The following PTGFRN variants were observed in gnomAD, a reference collection of about 807,000 sequenced individuals.
The protein encoded by PTGFRN is prostaglandin F2 receptor negative regulator.
Under a neutral mutation model 83.2 loss-of-function variants are expected in PTGFRN, and 35 were observed. That is an observed-to-expected ratio of 0.42 (90% CI 0.32 to 0.56). The LOEUF is 0.56. Among genes scored for constraint, PTGFRN ranks in the 20% least tolerant of loss-of-function variants. The pLI is 0.11. For synonymous variants in PTGFRN, 519 were observed against 498.6 expected (o/e 1.04, Z -0.55); for missense variants, 1,051 against 1,179.5 (o/e 0.89, Z 1.60).
At chr1:116,920,206 C>T (rs1188945617) in intron 1 of PTGFRN, among the ~76,000 whole-genome samples, 3 of 152,258 alleles carry the variant, frequency 2.0e-5, no homozygotes, top group African/African-American at 7.2e-5. Flanking sequence ...AGCCCATTTC[C>T]TGCACACTAA....
At chr1:116,948,642 ATG>A (rs1320318963) in intron 3 of PTGFRN, among the ~76,000 whole-genome samples, 1 of 152,182 alleles carries the variant, frequency 6.6e-6, no homozygotes, top group African/African-American at 2.4e-5. Flanking sequence ...AGCTAACAAT[ATG>A]TACCAGTCAG....
intron 1 of PTGFRN, among the ~76,000 whole-genome samples, chr1:116,931,105 A>G (rs1262874989): frequency 6.6e-6 from 1 of 152,248 alleles, no homozygotes; most frequent in Non-Finnish European, 1.5e-5. Context: ...GAAATGCTCC[A>G]GAATCTGAAA....
rs764208369 is a variant in PTGFRN at position 116,967,218 on chromosome 1, C to T, written c.1947C>T (p.Asp649=). 2.6e-5 allele frequency: 42 copies of T among 1,614,054 alleles called. No homozygotes were observed. The highest frequency in any genetic ancestry group is 4.0e-5 in the African/African-American group (3 of 74,914). Residue 649 remains aspartate, a synonymous_variant, in exon 6 of 9, where the codon GAC becomes GAT. Transcript: ENST00000393203. ...GAATGTACCAGACTCAGGTCTCAGACGCAGGGCTGTACCGCTGCATGGTGA... is the reference window on the plus strand; with the variant it reads ...GAATGTACCAGACTCAGGTCTCAGATGCAGGGCTGTACCGCTGCATGGTGA... The part of the protein sequence containing the change: ...RYRMYQTQVS[D]AGLYRCMVTA...
rs1649219507 is a variant in PTGFRN, at chr1:116,910,103, G to A, written c.-101G>A. 4 of 1,296,940 alleles carry A rather than the reference G, an allele frequency of 3.1e-6. No individual in the cohort carries two copies. Among genetic ancestry groups the A allele is most frequent in the African/African-American group, 1.5e-5 (1 of 65,754 alleles). 80.3% of individuals were successfully genotyped at this position (1,296,940 alleles called of 1,614,324 possible). A position where few individuals can be genotyped will look rare whatever the true frequency, so the allele number is the denominator to read the frequency against. On this transcript the variant is annotated 5_prime_UTR_variant, in exon 1 of 9. Coordinates refer to ENST00000393203, the MANE Select transcript of PTGFRN (RefSeq NM_020440.4). ...AGCGGAGCAGGCGCGCGGCCCAGGCGGAGGAGCGCCGACTCTGGAGCAGCC... is the reference window on the plus strand; with the variant it reads ...AGCGGAGCAGGCGCGCGGCCCAGGCAGAGGAGCGCCGACTCTGGAGCAGCC...
chr1:116,951,913 T>A (rs1650364213), intron 4 of PTGFRN, among the ~76,000 whole-genome samples: 1 of 152,160 alleles, frequency 6.6e-6, no homozygotes. Context: ...GGGACCAATA[T>A]AAGGTAACCG....
rs546349523 is a variant in PTGFRN, at chr1:116,919,598, C to T, written c.49+9346C>T. Among the ~76,000 whole-genome samples the T allele has an allele frequency of 4.6e-5, 7 of 152,226 alleles. No individual in the cohort carries two copies. In the East Asian group the frequency reaches 1.4e-3, roughly 29 times the overall value. On this transcript the variant is annotated intron_variant, in intron 1 of 8. Transcript: ENST00000393203. Reference sequence around the variant, plus strand: ...GGCTTCATAGCCCCATGAGAGTAGGCACTGTTGTTACCCCTGTTTAATAGA... The same window carrying T: ...GGCTTCATAGCCCCATGAGAGTAGGTACTGTTGTTACCCCTGTTTAATAGA...
intron 6 of PTGFRN, 109 bp downstream of exon 6, chr1:116,967,439 C>T (rs12403245): frequency 0.18 from 206,325 of 1,115,586 alleles, 20,255 homozygotes; most frequent in Middle Eastern, 0.2. Context: ...AATTCATATG[C>T]CATACAATGT....
chr1:116,916,030 C>T (rs954821546), intron 1 of PTGFRN, among the ~76,000 whole-genome samples: 1 of 152,246 alleles, frequency 6.6e-6, no homozygotes, highest in Non-Finnish European at 1.5e-5. Flanking sequence ...GAAGTTAACA[C>T]TGTCGTGTCC....
chr1:116,938,065 G>C (rs1003132812), intron 1 of PTGFRN, among the ~76,000 whole-genome samples: 5 of 152,130 alleles, frequency 3.3e-5, no homozygotes, highest in African/African-American at 9.7e-5. Flanking sequence ...TTGTCTGGTT[G>C]TCTCAAAAAT....
intron 6 of PTGFRN, 129 bp from the exon 7 acceptor site, chr1:116,974,087 C>G: frequency 1.5e-6 from 1 of 660,284 alleles, no homozygotes; most frequent in South Asian, 2.0e-5. Flanking sequence ...CTTGGAACAC[C>G]TATTTTGTGA....
At chr1:116,937,703 C>G (rs569411438) in intron 1 of PTGFRN, among the ~76,000 whole-genome samples, 1 of 152,178 alleles carries the variant, frequency 6.6e-6, no homozygotes, top group South Asian at 2.1e-4. Context: ...GGTTGTCCAC[C>G]CTGGCCAGCT....
intron 1 of PTGFRN, among the ~76,000 whole-genome samples, chr1:116,929,976 A>G (rs1649754030): frequency 1.3e-5 from 2 of 152,148 alleles, no homozygotes; most frequent in Admixed American, 6.5e-5. Flanking sequence ...GTTGCCAGTG[A>G]TTACTTAGCC....
chr1:116,985,099 G>C, intron 8 of PTGFRN, 114 bp downstream of exon 8: 1 of 1,130,348 alleles, frequency 8.8e-7, no homozygotes, highest in East Asian at 2.5e-5. Context: ...AGCACGTCCT[G>C]CTTTCTTTCT....
intron 4 of PTGFRN, among the ~76,000 whole-genome samples, chr1:116,950,388 C>T (rs1258260301): frequency 6.6e-6 from 1 of 152,124 alleles, no homozygotes; most frequent in African/African-American, 2.4e-5. Context: ...TCCCCACCTC[C>T]ATTATTACAG....
chr1:116,931,566 G>A (rs1335456607), intron 1 of PTGFRN, among the ~76,000 whole-genome samples: 1 of 150,148 alleles, frequency 6.7e-6, no homozygotes, highest in Non-Finnish European at 1.5e-5. Context: ...ATGGGGTTTT[G>A]AAGTTCTGCC....
intron 7 of PTGFRN, among the ~76,000 whole-genome samples, chr1:116,983,550 T>C (rs1233215125): frequency 6.8e-6 from 1 of 147,440 alleles, no homozygotes; most frequent in Non-Finnish European, 1.5e-5. Context: ...AGTGGGTCAA[T>C]GGGAGAAAAA....
At chr1:116,951,950 C>T (rs941949858) in intron 4 of PTGFRN, among the ~76,000 whole-genome samples, 33 of 152,150 alleles carry the variant, frequency 2.2e-4, no homozygotes, top group African/African-American at 7.0e-4. Context: ...GATAGACAGA[C>T]AACCTGACAA....
chr1:116,920,504 G>A (rs939168110), intron 1 of PTGFRN, among the ~76,000 whole-genome samples: 1 of 152,216 alleles, frequency 6.6e-6, no homozygotes, highest in African/African-American at 2.4e-5. Context: ...ATGTTCCACA[G>A]GTTGCCCTTT....
chr1:116,972,662 C>G (rs12026724), intron 6 of PTGFRN, among the ~76,000 whole-genome samples: 1 of 152,136 alleles, frequency 6.6e-6, no homozygotes, highest in Non-Finnish European at 1.5e-5. Flanking sequence ...GCACCTAGGG[C>G]CTTCAATCGT....
Sources: allele counts gnomAD v4.1 joint callset (sites outside exome capture counted in the v4.1 genomes callset), GRCh38; gene constraint gnomAD v4.1.1; transcripts MANE v1.5; gene names NCBI Gene and HGNC (gene_info 2026-07-23, HGNC 2026-07-21).